Variants in IPO7 observed in about 807,000 individuals in gnomAD.
IPO7 encodes the protein importin 7.
IPO7 carries 13 observed loss-of-function variants against 136.4 expected under a neutral mutation model. That is an observed-to-expected ratio of 0.10 (90% CI 0.06 to 0.15). IPO7 has a LOEUF of 0.15. Ranked by LOEUF, IPO7 falls within the 10% of genes least tolerant of loss-of-function variation. The pLI, the probability that IPO7 is intolerant of heterozygous loss-of-function variation, is 1.00. For missense variants in IPO7, 857 were observed against 1,240.6 expected (o/e 0.69, Z 4.65); for synonymous variants, 403 against 404.4 (o/e 1.00, Z 0.04).
rs1447562876 is a variant in IPO7, at chr11:9,425,142, C to T, written c.1219-4C>T. The stretch of plus-strand genomic sequence containing the variant: ...AGTAACAATACTTTTCTCTTTTAAT[C>T]TAGGTACTGCAAAAGACTATGGGAT... On this transcript the variant is annotated splice_polypyrimidine_tract_variant and splice_region_variant and intron_variant, in intron 11 of 24. Transcript: ENST00000379719. The T allele has an allele frequency of 6.4e-7, 1 of 1,570,438 alleles. No individual in the cohort carries two copies. Among genetic ancestry groups the T allele is most frequent in the South Asian group, 1.1e-5 (1 of 90,122 alleles).
intron 12 of IPO7, among the ~76,000 whole-genome samples, chr11:9,428,099 A>C (rs1815876708): frequency 6.6e-6 from 1 of 152,096 alleles, no homozygotes; most frequent in African/African-American, 2.4e-5. Context: ...CAGCCTGGGC[A>C]ACACAGCAAG....
intron 12 of IPO7, among the ~76,000 whole-genome samples, chr11:9,427,385 C>G (rs1031057525): frequency 3.3e-5 from 5 of 152,004 alleles, no homozygotes; most frequent in African/African-American, 1.2e-4. Context: ...CTCAGCCTCC[C>G]GAGTAGCTGG....
chr11:9,445,354 G>C lies in IPO7; in HGVS notation c.*160G>C. ...GAGATGGGACCTGATCATGCAACCT[G>C]GCACTGGAAAAGAAATCAGCGGGAT... On this transcript the variant is annotated 3_prime_UTR_variant, in exon 25 of 25. Coordinates refer to ENST00000379719, the MANE Select transcript of IPO7 (RefSeq NM_006391.3). The C allele has an allele frequency of 4.3e-6, 1 of 231,034 alleles. No homozygotes were observed. Among genetic ancestry groups the C allele is most frequent in the East Asian group, 8.6e-5 (1 of 11,624 alleles). 14.3% of individuals were successfully genotyped at this position (231,034 alleles called of 1,614,324 possible).
At chr11:9,397,341 A>AAAAAAAAAAAAAATATATAT in intron 1 of IPO7, among the ~76,000 whole-genome samples, 13 of 10,754 alleles carry the variant, frequency 1.2e-3, no homozygotes, top group African/African-American at 1.8e-3. Context: ...TTTAAAAAAA[A>AAAAAAAAAAAAAATATATAT]ATATATATAT....
intron 4 of IPO7, among the ~76,000 whole-genome samples, chr11:9,412,503 C>G (rs775727573): frequency 2.6e-5 from 4 of 152,140 alleles, no homozygotes; most frequent in Non-Finnish European, 1.5e-5. Context: ...AAAATTTAGT[C>G]TGCCTATTGA....
intron 24 of IPO7, 150 bp from the exon 25 acceptor site, chr11:9,444,947 C>A: frequency 1.6e-6 from 1 of 614,312 alleles, no homozygotes. Context: ...ATGCATGCTC[C>A]CTTGCCCTTA....
At chr11:9,414,593 C>A in intron 5 of IPO7, 182 bp downstream of exon 5, 1 of 284,160 alleles carries the variant, frequency 3.5e-6, no homozygotes. Context: ...ACTTCCTCCC[C>A]AAATACATAA....
rs368749012 is a variant in IPO7, at chr11:9,407,573, G to T, written c.167-913G>T. On this transcript the variant is annotated intron_variant, in intron 2 of 24. Transcript: ENST00000379719. ...CATCTCATAAAAATACCTTGTTGAG[G>T]GGTATTTTAATATATAATCTTAATC... 2.0e-4 allele frequency among the ~76,000 whole-genome samples: 31 copies of T among 151,996 alleles called. No individual in the cohort carries two copies. The East Asian group carries it at 5.6e-3, about 27-fold the overall frequency.
At chr11:9,400,532 C>T (rs1317078461) in intron 1 of IPO7, among the ~76,000 whole-genome samples, 1 of 152,104 alleles carries the variant, frequency 6.6e-6, no homozygotes, top group Non-Finnish European at 1.5e-5. Context: ...CACCATTCTC[C>T]TGCCTCAGCC....
intron 23 of IPO7, among the ~76,000 whole-genome samples, chr11:9,441,541 G>C (rs1306058652): frequency 6.6e-6 from 1 of 152,158 alleles, no homozygotes; most frequent in Non-Finnish European, 1.5e-5. Context: ...CCCATGACAA[G>C]GCAGTTTTGA....
Position 9,438,077 on chromosome 11 carries a change from T to TTTTA in IPO7, c.2490-3_2490-2insTTTA. ...TTTTTTTTTTTTTTTTTTTTTTTTTTAGGCTTCATGACAGAAAGATGTGTG... is the reference window on the plus strand; with the variant it reads ...TTTTTTTTTTTTTTTTTTTTTTTTTTTTTAAGGCTTCATGACAGAAAGATGTGTG... On this transcript the variant is annotated splice_region_variant and splice_polypyrimidine_tract_variant and intron_variant, in intron 21 of 24. Transcript: ENST00000379719. The TTTTA allele has an allele frequency of 3.3e-6, 4 of 1,201,290 alleles. No homozygotes were observed. Among genetic ancestry groups the TTTTA allele is most frequent in the Non-Finnish European group, 4.6e-6 (4 of 866,678 alleles). 74.4% of individuals were successfully genotyped at this position (1,201,290 alleles called of 1,614,324 possible).
chr11:9,405,429 C>T (rs1854868803), intron 2 of IPO7, among the ~76,000 whole-genome samples: 1 of 152,200 alleles, frequency 6.6e-6, no homozygotes, highest in African/African-American at 2.4e-5. Context: ...CCTGCCTCTG[C>T]CTCCCAAAGT....
At chr11:9,425,061 T>G in intron 11 of IPO7, 71 bp downstream of exon 11, 1 of 1,297,686 alleles carries the variant, frequency 7.7e-7, no homozygotes, top group Non-Finnish European at 1.1e-6. Context: ...ACTTTTTAAA[T>G]GTTAGTCATG....
chr11:9,445,975 G>T lies in IPO7; in HGVS notation c.*781G>T, dbSNP rs1311760191. The T allele has an allele frequency of 6.6e-6, 1 of 152,160 alleles. No individual in the cohort carries two copies. The highest frequency in any genetic ancestry group is 1.5e-5 in the Non-Finnish European group (1 of 68,022). The allele number at this position is 152,160 out of a possible 1,614,324, so 9.4% of individuals were successfully genotyped here. ...GTGCACTCACCTCTGATAGTGACTT[G>T]AATTCGGTATGTAAAAAGGGGTTAG... is the stretch of plus-strand genomic sequence containing the variant. On this transcript the variant is annotated 3_prime_UTR_variant, in exon 25 of 25. Transcript: ENST00000379719.
chr11:9,428,618 A>G lies in IPO7; in HGVS notation c.1414A>G (p.Met472Val). 1 of 1,548,650 alleles carries G rather than the reference A, an allele frequency of 6.5e-7. No homozygotes were observed. The highest frequency in any genetic ancestry group is 8.9e-7 in the Non-Finnish European group (1 of 1,122,730). Reference protein sequence around the residue: ...FPLFSSELGYMRARACWVLHY... With the variant: ...FPLFSSELGYVRARACWVLHY... ...TCTCTTCAGCAGTGAACTAGGCTAC[A>G]TGAGAGCAAGGGTATGTTTTAAAGC... is the stretch of plus-strand genomic sequence containing the variant. Residue 472 changes from methionine (M) to valine (V), a missense_variant, in exon 13 of 25, where the codon ATG becomes GTG. Coordinates refer to ENST00000379719, the MANE Select transcript of IPO7 (RefSeq NM_006391.3).
intron 1 of IPO7, among the ~76,000 whole-genome samples, chr11:9,393,056 A>G (rs994635626): frequency 6.6e-6 from 1 of 152,138 alleles, no homozygotes; most frequent in Non-Finnish European, 1.5e-5. Flanking sequence ...GATTTTGAAG[A>G]CATGAGTTAC....
At chr11:9,404,150 C>A (rs1854840758) in intron 2 of IPO7, among the ~76,000 whole-genome samples, 1 of 152,156 alleles carries the variant, frequency 6.6e-6, no homozygotes. Flanking sequence ...GCTGTTCTTT[C>A]CCCCTGCACC....
chr11:9,403,337 G>C lies in IPO7; in HGVS notation c.132G>C (p.Met44Ile). The C allele has an allele frequency of 6.2e-7, 1 of 1,613,882 alleles. No homozygotes were observed. The highest frequency in any genetic ancestry group is 1.1e-5 in the South Asian group (1 of 91,048). ...TCTCAACACTGCTCCAGATTACTAT[G>C]TCGGAACAGCTGGATTTACCTGTGA... ...NFVSTLLQIT[M>I]SEQLDLPVRQ... The change falls in exon 2 of 25, where the codon ATG becomes ATC. Residue 44 changes from methionine to isoleucine, a missense_variant. This residue lies in a region of IPO7 where 49 missense variants were observed against 59.9 expected (regional missense o/e 0.82). Transcript: ENST00000379719.
chr11:9,417,738 GT>G (rs1184423623), intron 6 of IPO7, among the ~76,000 whole-genome samples: 1 of 145,386 alleles, frequency 6.9e-6, no homozygotes, highest in African/African-American at 2.6e-5. Flanking sequence ...TTAAGCTGAA[GT>G]TTCGCTCTTG....
Sources: allele counts gnomAD v4.1 joint callset (sites outside exome capture counted in the v4.1 genomes callset), GRCh38; gene constraint gnomAD v4.1.1; regional missense constraint gnomAD v4.1.1; transcripts MANE v1.5; gene names NCBI Gene and HGNC (gene_info 2026-07-23, HGNC 2026-07-21).